The following CHST15 variants were observed in gnomAD, a reference collection of about 807,000 sequenced individuals.
The protein encoded by CHST15 is carbohydrate sulfotransferase 15.
A neutral mutation model predicts 53.6 loss-of-function variants in CHST15; 30 were observed. The ratio of observed to expected loss-of-function variants is 0.56; its 90% CI spans 0.42 to 0.76. CHST15 has a LOEUF of 0.76. Ranked by LOEUF, CHST15 falls within the 30% of genes least tolerant of loss-of-function variation. The pLI is 0.00. For synonymous variants in CHST15, 296 were observed against 289.8 expected, an observed-to-expected ratio of 1.02 and a Z score of -0.22; for missense variants, 627 against 740.5, an observed-to-expected ratio of 0.85 and a Z score of 1.78.
chr10:124,023,613 C>T (rs1329879837), intron 5 of CHST15, among the ~76,000 whole-genome samples: 3 of 151,992 alleles, frequency 2.0e-5, no homozygotes, highest in Non-Finnish European at 2.9e-5. Context: ...GCCATATGTC[C>T]CACTCTCTTC....
At position 124,036,332 on chromosome 10, in the gene CHST15, G is replaced by A. The variant is rs1434225079; in HGVS notation, c.1190+2183C>T. Reference sequence around the variant, plus strand: ...AGCAGGTGGGACATGGCAAGGGACGGCAAGTCAGTGCCTGCCTCAGAACAG... The same window carrying A: ...AGCAGGTGGGACATGGCAAGGGACGACAAGTCAGTGCCTGCCTCAGAACAG... On this transcript the variant is annotated intron_variant, in intron 5 of 7. Transcript: ENST00000435907. The surrounding 1 kb of genome is among the most constrained non-coding windows in gnomAD (Gnocchi z 5.1). Among the ~76,000 whole-genome samples the A allele has an allele frequency of 1.3e-5, 2 of 152,224 alleles. No individual in the cohort carries two copies. Among genetic ancestry groups the A allele is most frequent in the East Asian group, 3.9e-4 (2 of 5,186 alleles).
In CHST15 at chr10:124,009,810, C is replaced by A. The variant is rs1179323837; in HGVS notation, c.*339G>T. On this transcript the variant is annotated 3_prime_UTR_variant, in exon 8 of 8. Transcript: ENST00000435907. ...CCAGAGGCTCTCCAGAAGGCGGAGG[C>A]GGGCAGGGCCAGGCTGCCTTCCCTA... 2 of 1,082,762 alleles carry A rather than the reference C, an allele frequency of 1.8e-6. No individual in the cohort carries two copies. The highest frequency in any genetic ancestry group is 2.2e-6 in the Non-Finnish European group (2 of 889,940). The allele number at this position is 1,082,762 out of a possible 1,614,324, so 67.1% of individuals were successfully genotyped here. A position where few individuals can be genotyped will look rare whatever the true frequency, so the allele number is the denominator to read the frequency against.
At chr10:124,045,121 A>AAAAC (rs1554911427) in intron 2 of CHST15, among the ~76,000 whole-genome samples, 10,148 of 86,926 alleles carry the variant, frequency 0.12, 539 homozygotes, top group African/African-American at 0.2. Context: ...ACAAAAAAAA[A>AAAAC]AAAAAAAAAA....
Position 124,038,520 on chromosome 10 carries a change from C to T in CHST15, c.1185G>A (p.Val395=). The T allele has an allele frequency of 6.2e-7, 1 of 1,614,170 alleles. No homozygotes were observed. Among genetic ancestry groups the T allele is most frequent in the Non-Finnish European group, 8.5e-7 (1 of 1,179,990 alleles). Residue 395 remains valine (V), a synonymous_variant, in exon 5 of 8, where the codon GTG becomes GTA. Coordinates refer to ENST00000435907, the MANE Select transcript of CHST15 (RefSeq NM_001270764.2). Reference sequence around the variant, plus strand: ...AACACACAGAAACTGCTCACCTCTCCACAGGGTCCCTGAGCATGACAATCA... The same window carrying T: ...AACACACAGAAACTGCTCACCTCTCTACAGGGTCCCTGAGCATGACAATCA... ...ARLIVMLRDP[V]ERLYSDYLYF...
Position 124,046,400 on chromosome 10 carries a change from T to G in CHST15, c.-188A>C. 1 of 569,716 alleles carries G rather than the reference T, an allele frequency of 1.8e-6. No individual in the cohort carries two copies. The highest frequency in any genetic ancestry group is 4.5e-4 in the Middle Eastern group (1 of 2,202). The allele number at this position is 569,716 out of a possible 1,614,324, so 35.3% of individuals were successfully genotyped here. A position where few individuals can be genotyped will look rare whatever the true frequency, so the allele number is the denominator to read the frequency against. ...GAGAAAGAGGGTGCACATTCTTTGG[T>G]TCAGCTCCGAAAGAAAACAAAAGGA... On this transcript the variant is annotated 5_prime_UTR_variant, in exon 2 of 8. Transcript: ENST00000435907.
chr10:124,075,103 A>C (rs1202532904), intron 1 of CHST15, among the ~76,000 whole-genome samples: 2 of 152,188 alleles, frequency 1.3e-5, no homozygotes, highest in Admixed American at 6.5e-5. Flanking sequence ...TTTTCCTATT[A>C]TTTTGCTTTT....
intron 4 of CHST15, among the ~76,000 whole-genome samples, chr10:124,040,768 T>C (rs1436794170): frequency 1.3e-5 from 2 of 152,276 alleles, no homozygotes; most frequent in Non-Finnish European, 2.9e-5. Context: ...CAGGGCTAGA[T>C]ACTTGTCACA....
chr10:124,082,798 G>A (rs1289376977), intron 1 of CHST15, among the ~76,000 whole-genome samples: 3 of 152,232 alleles, frequency 2.0e-5, no homozygotes, highest in African/African-American at 7.2e-5. Flanking sequence ...GTTACACAGA[G>A]TAAAAGAAGC....
chr10:124,011,069 G>A (rs1341445336), intron 7 of CHST15: 2 of 982,574 alleles, frequency 2.0e-6, no homozygotes, highest in African/African-American at 1.8e-5. Context: ...GGAAAAGGCC[G>A]GGAGGGGCTG....
At chr10:124,090,298 C>T (rs1220159448) in intron 1 of CHST15, among the ~76,000 whole-genome samples, 1 of 152,228 alleles carries the variant, frequency 6.6e-6, no homozygotes, top group Non-Finnish European at 1.5e-5. Flanking sequence ...CCCCAACTGG[C>T]TGGAGCTGAG....
intron 7 of CHST15, chr10:124,011,455 C>T (rs965679590): frequency 3.0e-5 from 30 of 985,340 alleles, no homozygotes; most frequent in Admixed American, 6.1e-5. Context: ...ATCAAAGAGG[C>T]CCAAGTCCCA....
In CHST15 at chr10:124,024,112, T is replaced by C. The variant is rs1946900844; in HGVS notation, c.1191-2700A>G. Among the ~76,000 whole-genome samples, 2 of 152,342 alleles carry C rather than the reference T, an allele frequency of 1.3e-5. No homozygotes were observed. The highest frequency in any genetic ancestry group is 4.1e-4 in the South Asian group (2 of 4,834). On this transcript the variant is annotated intron_variant, in intron 5 of 7. Coordinates refer to ENST00000435907, the MANE Select transcript of CHST15 (RefSeq NM_001270764.2). This position sits in a 1 kb window ranked among gnomAD's most constrained non-coding sequence, Gnocchi z 4.0. ...CACCCACCTCAGCCTCCCAAAGTGC[T>C]GGGATTACGGGCGTGAGCCACCACG...
Position 124,044,571 on chromosome 10 carries a change from A to T in CHST15, c.886+9T>A, listed in dbSNP as rs920910839. On this transcript the variant is annotated intron_variant, in intron 3 of 7. Coordinates refer to ENST00000435907, the MANE Select transcript of CHST15 (RefSeq NM_001270764.2). ...AGACCAGACAGGAGCCCTGGGACCCAGCACTCACCAAAGCGCTTCCGGGTC... is the reference window on the plus strand; with the variant it reads ...AGACCAGACAGGAGCCCTGGGACCCTGCACTCACCAAAGCGCTTCCGGGTC... 3.3e-6 allele frequency: 5 copies of T among 1,505,634 alleles called. No individual in the cohort carries two copies. The Admixed American group carries it at 6.8e-5, about 20-fold the overall frequency. 93.3% of individuals were successfully genotyped at this position (1,505,634 alleles called of 1,614,324 possible).
At chr10:124,039,203 C>A (rs1055256680) in intron 4 of CHST15, among the ~76,000 whole-genome samples, 1 of 152,226 alleles carries the variant, frequency 6.6e-6, no homozygotes, top group Non-Finnish European at 1.5e-5. Context: ...AGATGGAGTT[C>A]TCTCTGAACT....
At chr10:124,050,773 G>A (rs545948259) in intron 1 of CHST15, among the ~76,000 whole-genome samples, 80 of 152,254 alleles carry the variant, frequency 5.3e-4, no homozygotes, top group African/African-American at 1.8e-3. Flanking sequence ...GTAGAGAGAC[G>A]CTGTGGGGAG....
intron 5 of CHST15, among the ~76,000 whole-genome samples, chr10:124,035,393 T>C (rs1947450689): frequency 7.1e-6 from 1 of 141,796 alleles, no homozygotes; most frequent in African/African-American, 2.7e-5. Flanking sequence ...CTCCGCCCCC[T>C]AACAGAGACC....
chr10:124,062,011 TAAA>T (rs57594474), intron 1 of CHST15, among the ~76,000 whole-genome samples: 12,269 of 142,166 alleles, frequency 0.086, 1,186 homozygotes, highest in African/African-American at 0.22. Flanking sequence ...TATAAATCAT[TAAA>T]AAAAAAAAAA....
In CHST15 at chr10:124,007,739, T is replaced by C; in HGVS notation, c.*2410A>G. The C allele has an allele frequency of 4.9e-6, 6 of 1,229,638 alleles. No homozygotes were observed. Among genetic ancestry groups the C allele is most frequent in the African/African-American group, 1.5e-5 (1 of 64,520 alleles). 76.2% of individuals were successfully genotyped at this position (1,229,638 alleles called of 1,614,324 possible). On this transcript the variant is annotated 3_prime_UTR_variant, in exon 8 of 8. Transcript: ENST00000435907. ...GGTCCATCTTTAATTATGTTAAATA[T>C]TAATAAAAGTACAGCGTAACTGCGA...
At chr10:124,089,674 A>G (rs1434632262) in intron 1 of CHST15, among the ~76,000 whole-genome samples, 2 of 152,018 alleles carry the variant, frequency 1.3e-5, no homozygotes, top group East Asian at 3.9e-4. Context: ...CCACACCTGA[A>G]AAGGAGACTC....
Sources: gnomAD v4.1 joint callset for allele counts (sites outside exome capture counted in the v4.1 genomes callset) on GRCh38, gnomAD v4.1.1 for gene constraint, Gnocchi (gnomAD v3.1) non-coding constraint, MANE v1.5 for transcripts, NCBI Gene and HGNC (gene_info 2026-07-23, HGNC 2026-07-21) for gene names.